DLGAP4: variants seen among roughly 807,000 people sequenced by gnomAD.
DLGAP4 encodes the protein DLG associated protein 4.
In DLGAP4, 18 loss-of-function variants were observed where a neutral mutation model predicts 86.9. The observed-to-expected ratio is 0.21, with a 90% CI of 0.14 to 0.31. The LOEUF (loss-of-function observed/expected upper bound fraction) is 0.31, where lower values mean the gene tolerates loss of function less well. Ranked by LOEUF, DLGAP4 falls within the 10% of genes least tolerant of loss-of-function variation. The pLI, the probability that DLGAP4 is intolerant of heterozygous loss-of-function variation, is 1.00. For synonymous variants in DLGAP4, 548 were observed against 574.3 expected (o/e 0.95, Z 0.65); for missense variants, 1,085 against 1,362.6 (o/e 0.80, Z 3.21).
intron 1 of DLGAP4, among the ~76,000 whole-genome samples, chr20:36,313,409 A>G (rs1456235265): frequency 6.6e-6 from 1 of 152,090 alleles, no homozygotes; most frequent in Non-Finnish European, 1.5e-5. Context: ...ACAGGGCCCA[A>G]GTTGGAGTCT....
intron 2 of DLGAP4, among the ~76,000 whole-genome samples, chr20:36,377,061 A>C (rs1237240152): frequency 6.6e-6 from 1 of 152,126 alleles, no homozygotes; most frequent in East Asian, 1.9e-4. Context: ...GGAGAAGGGA[A>C]ACCAGAGAGG....
At chr20:36,397,836 A>G (rs570447682) in intron 2 of DLGAP4, among the ~76,000 whole-genome samples, 1 of 152,220 alleles carries the variant, frequency 6.6e-6, no homozygotes, top group Non-Finnish European at 1.5e-5. Context: ...AACTTGGCAA[A>G]TTAGGCCAGG....
At position 36,496,950 on chromosome 20, in the gene DLGAP4, G is replaced by A. The variant is rs1195527049; in HGVS notation, c.1894G>A (p.Ala632Thr). 1 of 1,614,110 alleles carries A rather than the reference G, an allele frequency of 6.2e-7. No homozygotes were observed. Among genetic ancestry groups the A allele is most frequent in the South Asian group, 1.1e-5 (1 of 91,076 alleles). ...GGGTGGAGTCGCCCCAGCCCCTGAG[G>A]CCCCAGAGCCACCCCCAAAACATGC... ...TRGGVAPAPE[A>T]PEPPPKHAAL... The change falls in exon 8 of 13, where the codon GCC (alanine) becomes ACC (threonine). Residue 632 changes from alanine to threonine, a missense_variant. Ala to Thr is a moderately conservative substitution (Grantham distance 58). This residue lies in a region of DLGAP4 where 1,082 missense variants were observed against 1,344.1 expected (regional missense o/e 0.81). Coordinates refer to ENST00000339266, the MANE Select transcript of DLGAP4 (RefSeq NM_001365621.2).
At chr20:36,467,238 A>G (rs2034458041) in intron 7 of DLGAP4, among the ~76,000 whole-genome samples, 1 of 152,196 alleles carries the variant, frequency 6.6e-6, no homozygotes, top group South Asian at 2.1e-4. Flanking sequence ...TGCTGAGGAA[A>G]AGCATTGTCT....
intron 1 of DLGAP4, among the ~76,000 whole-genome samples, chr20:36,361,952 G>A (rs370728788): frequency 6.9e-5 from 10 of 144,098 alleles, no homozygotes; most frequent in Admixed American, 3.5e-4. Flanking sequence ...GCACTCCAGC[G>A]TGGATGACAC....
At chr20:36,466,999 C>G (rs1347521249) in intron 7 of DLGAP4, among the ~76,000 whole-genome samples, 1 of 129,096 alleles carries the variant, frequency 7.7e-6, no homozygotes, top group African/African-American at 3.2e-5. Flanking sequence ...CTGTCTCTGT[C>G]TCTCTCTCTC....
chr20:36,438,319 A>G (rs1322502372), intron 4 of DLGAP4, among the ~76,000 whole-genome samples: 1 of 151,634 alleles, frequency 6.6e-6, no homozygotes, highest in Non-Finnish European at 1.5e-5. Flanking sequence ...GGTTGCAGGG[A>G]GCTGAGATCG....
intron 10 of DLGAP4, among the ~76,000 whole-genome samples, chr20:36,503,455 A>G (rs1186969298): frequency 6.6e-6 from 1 of 150,696 alleles, no homozygotes; most frequent in Non-Finnish European, 1.5e-5. Context: ...CATTTCATAT[A>G]AACAGAATCA....
intron 7 of DLGAP4, among the ~76,000 whole-genome samples, chr20:36,463,465 A>G (rs563277963): frequency 3.3e-5 from 5 of 152,204 alleles, no homozygotes; most frequent in Non-Finnish European, 7.3e-5. Flanking sequence ...CTAGGACATT[A>G]CAGTCCAGGG....
chr20:36,499,698 G>C (rs2147775941), intron 9 of DLGAP4, 22 bp downstream of exon 9: 1 of 1,601,410 alleles, frequency 6.2e-7, no homozygotes, highest in East Asian at 2.2e-5. Flanking sequence ...AGAGGTGGCG[G>C]CTGCTTCTCC....
intron 8 of DLGAP4, 85 bp from the exon 9 acceptor site, chr20:36,499,494 GTCCCACTAA>G: frequency 7.0e-7 from 1 of 1,426,948 alleles, no homozygotes; most frequent in Non-Finnish European, 9.7e-7. Flanking sequence ...CGTTTGCGTC[GTCCCACTAA>G]TGTGAATTTC....
intron 2 of DLGAP4, among the ~76,000 whole-genome samples, chr20:36,375,163 C>A (rs984914780): frequency 2.0e-5 from 3 of 152,220 alleles, no homozygotes; most frequent in Non-Finnish European, 2.9e-5. Context: ...GCCTCTCCCC[C>A]GCCTGTCCCT....
intron 1 of DLGAP4, among the ~76,000 whole-genome samples, chr20:36,366,649 A>G (rs2030697719): frequency 6.6e-6 from 1 of 152,148 alleles, no homozygotes; most frequent in Admixed American, 6.5e-5. Context: ...CCCGCATGTG[A>G]GAGGCTGAGC....
At chr20:36,457,832 T>A (rs2033918313) in intron 7 of DLGAP4, among the ~76,000 whole-genome samples, 1 of 151,548 alleles carries the variant, frequency 6.6e-6, no homozygotes. Context: ...TAAAGGGGAT[T>A]TCACCATGTT....
At chr20:36,429,398 CTTT>C (rs151254062) in intron 2 of DLGAP4, among the ~76,000 whole-genome samples, 26,137 of 74,764 alleles carry the variant, frequency 0.35, 2,097 homozygotes, top group East Asian at 0.44. Flanking sequence ...TTCTTTTTTT[CTTT>C]TTTTTTTTTT....
intron 10 of DLGAP4, among the ~76,000 whole-genome samples, chr20:36,519,091 C>CG (rs936766618): frequency 6.0e-5 from 9 of 150,594 alleles, no homozygotes; most frequent in Non-Finnish European, 1.0e-4. Context: ...CACACCAGCC[C>CG]GGGCAACAGT....
At chr20:36,419,684 G>A (rs1307089330) in intron 2 of DLGAP4, among the ~76,000 whole-genome samples, 1 of 152,226 alleles carries the variant, frequency 6.6e-6, no homozygotes, top group African/African-American at 2.4e-5. Flanking sequence ...AGTTAGTGCT[G>A]GCTGTTGGCA....
chr20:36,330,822 C>T (rs559088122), intron 1 of DLGAP4, among the ~76,000 whole-genome samples: 39 of 152,330 alleles, frequency 2.6e-4, no homozygotes, highest in African/African-American at 9.4e-4. Flanking sequence ...TTCTGCCCAC[C>T]TCAGCCTCCC....
chr20:36,388,065 C>T (rs565935612), intron 2 of DLGAP4, among the ~76,000 whole-genome samples: 9 of 152,270 alleles, frequency 5.9e-5, no homozygotes, highest in South Asian at 2.1e-4. Context: ...ATACCCTGAG[C>T]GAGTGTTATG....
Sources: gnomAD v4.1 joint callset for allele counts (sites outside exome capture counted in the v4.1 genomes callset) on GRCh38, gnomAD v4.1.1 for gene constraint, gnomAD v4.1.1 regional missense constraint, MANE v1.5 for transcripts, NCBI Gene and HGNC (gene_info 2026-07-23, HGNC 2026-07-21) for gene names.